The following IL1RAPL1 variants were observed in gnomAD, a reference collection of about 807,000 sequenced individuals.
The protein encoded by IL1RAPL1 is interleukin 1 receptor accessory protein like 1.
In IL1RAPL1, 3 loss-of-function variants were observed where a neutral mutation model predicts 48.4. The observed-to-expected ratio is 0.06, with a 90% CI of 0.03 to 0.16. IL1RAPL1 has a LOEUF of 0.16. Ranked by LOEUF, IL1RAPL1 falls within the 10% of genes least tolerant of loss-of-function variation. The pLI is 1.00. For missense variants in IL1RAPL1, 349 were observed against 530.6 expected, an observed-to-expected ratio of 0.66 and a Z score of 3.36; for synonymous variants, 185 against 187.7, an observed-to-expected ratio of 0.99 and a Z score of 0.12.
chrX:29,191,375 G>A (rs1930349343), intron 2 of IL1RAPL1, among the ~76,000 whole-genome samples: 1 of 111,083 alleles, frequency 9.0e-6, no homozygotes, highest in Admixed American at 9.6e-5. Flanking sequence ...ATAACCCTCG[G>A]AGTCACTTTC....
At chrX:28,875,539 A>G (rs1293380556) in intron 2 of IL1RAPL1, among the ~76,000 whole-genome samples, 1 of 111,376 alleles carries the variant, frequency 9.0e-6, no homozygotes, top group Non-Finnish European at 1.9e-5. Context: ...TATGGTTTGG[A>G]TATTTGTCTG....
At chrX:28,981,395 A>G (rs1925338331) in intron 2 of IL1RAPL1, among the ~76,000 whole-genome samples, 2 of 110,995 alleles carry the variant, frequency 1.8e-5, no homozygotes, top group African/African-American at 6.5e-5. Flanking sequence ...AAGGAAATTG[A>G]AACAGTCCTC....
At chrX:29,648,411 T>C (rs939629019) in intron 5 of IL1RAPL1, among the ~76,000 whole-genome samples, 10 of 111,826 alleles carry the variant, frequency 8.9e-5, no homozygotes, top group African/African-American at 1.6e-4. Context: ...GTTATCCAGC[T>C]TTAGAAGACT....
At chrX:29,323,212 T>C (rs1171197934) in intron 3 of IL1RAPL1, among the ~76,000 whole-genome samples, 1 of 111,689 alleles carries the variant, frequency 9.0e-6, no homozygotes, top group Non-Finnish European at 1.9e-5. Context: ...ATTTTTCTTC[T>C]TTTCTGAGCC....
At chrX:28,766,069 C>T (rs974936013) in intron 1 of IL1RAPL1, among the ~76,000 whole-genome samples, 14 of 111,347 alleles carry the variant, frequency 1.3e-4, no homozygotes, top group African/African-American at 3.6e-4. Context: ...ATTTCAATGA[C>T]GTATAATCCT....
At chrX:29,029,888 A>G (rs945427445) in intron 2 of IL1RAPL1, among the ~76,000 whole-genome samples, 5 of 108,130 alleles carry the variant, frequency 4.6e-5, no homozygotes, top group Admixed American at 4.0e-4. Context: ...ATATCAATCT[A>G]TGACCCATTT....
intron 5 of IL1RAPL1, among the ~76,000 whole-genome samples, chrX:29,441,301 C>T (rs1227012224): frequency 8.9e-6 from 1 of 111,870 alleles, no homozygotes; most frequent in Non-Finnish European, 1.9e-5. Context: ...TTAATTCTGG[C>T]ACTTAAGTCA....
At chrX:29,179,449 G>A (rs1016292591) in intron 2 of IL1RAPL1, among the ~76,000 whole-genome samples, 60 of 111,940 alleles carry the variant, frequency 5.4e-4, no homozygotes, top group African/African-American at 1.8e-3. Flanking sequence ...GATAGCTAGT[G>A]TGGTAGTTAG....
intron 1 of IL1RAPL1, among the ~76,000 whole-genome samples, chrX:28,604,719 C>CAAA (rs778056286): frequency 3.6e-5 from 1 of 27,961 alleles, no homozygotes; most frequent in Non-Finnish European, 7.2e-5. Flanking sequence ...GAGCGAGACT[C>CAAA]AAAAAAAAAA....
At chrX:29,492,576 G>A (rs1185522000) in intron 5 of IL1RAPL1, among the ~76,000 whole-genome samples, 2 of 111,609 alleles carry the variant, frequency 1.8e-5, no homozygotes, top group Non-Finnish European at 3.8e-5. Flanking sequence ...TCCTTCTTAC[G>A]TGGCATCACT....
At chrX:29,396,170 T>C (rs1426518888) in intron 3 of IL1RAPL1, 88 bp from the exon 4 acceptor site, 1 of 797,902 alleles carries the variant, frequency 1.3e-6, no homozygotes, top group South Asian at 2.3e-5. Context: ...AGTTTTTGCT[T>C]TTCTTTTAAG....
intron 2 of IL1RAPL1, among the ~76,000 whole-genome samples, chrX:29,166,538 C>T (rs1448343149): frequency 9.0e-6 from 1 of 111,376 alleles, no homozygotes; most frequent in Non-Finnish European, 1.9e-5. Context: ...TTCACTCTTG[C>T]CTGGTTTGTT....
intron 6 of IL1RAPL1, among the ~76,000 whole-genome samples, chrX:29,846,067 AG>A (rs1931240289): frequency 1.8e-5 from 2 of 111,351 alleles, no homozygotes; most frequent in African/African-American, 6.5e-5. Flanking sequence ...AGATTTGGGC[AG>A]GGACGCACAT....
chrX:29,744,400 C>G (rs896047106), intron 6 of IL1RAPL1, among the ~76,000 whole-genome samples: 1 of 112,244 alleles, frequency 8.9e-6, no homozygotes, highest in Non-Finnish European at 1.9e-5. Context: ...TGCCATTACT[C>G]TCTCTGCATA....
chrX:29,356,558 G>A (rs184264210), intron 3 of IL1RAPL1, among the ~76,000 whole-genome samples: 1 of 110,097 alleles, frequency 9.1e-6, no homozygotes, highest in East Asian at 2.8e-4. Flanking sequence ...GCGTATGTAT[G>A]TGTGACACAT....
chrX:29,407,753 T>A (rs891092053), intron 5 of IL1RAPL1, among the ~76,000 whole-genome samples: 6 of 111,861 alleles, frequency 5.4e-5, no homozygotes, highest in African/African-American at 1.6e-4. Context: ...CCTAACCGAA[T>A]TGACTGTAGG....
chrX:28,629,661 G>T (rs1369411158), intron 1 of IL1RAPL1, among the ~76,000 whole-genome samples: 1 of 111,793 alleles, frequency 8.9e-6, no homozygotes, highest in Non-Finnish European at 1.9e-5. Flanking sequence ...CTGAAATTGG[G>T]ACTATCTAAT....
At chrX:29,769,268 T>C (rs1928989399) in intron 6 of IL1RAPL1, among the ~76,000 whole-genome samples, 1 of 109,967 alleles carries the variant, frequency 9.1e-6, no homozygotes, top group Non-Finnish European at 1.9e-5. Flanking sequence ...CATTTACCAA[T>C]TGATAAACAT....
At chrX:28,663,719 C>T (rs197021) in intron 1 of IL1RAPL1, among the ~76,000 whole-genome samples, 43,694 of 106,852 alleles carry the variant, frequency 0.41, 6,474 homozygotes, top group South Asian at 0.58. Flanking sequence ...CTTTACATAG[C>T]GATCTATTGG....
Sources: allele counts gnomAD v4.1 joint callset (sites outside exome capture counted in the v4.1 genomes callset), GRCh38; gene constraint gnomAD v4.1.1; transcripts MANE v1.5; gene names NCBI Gene and HGNC (gene_info 2026-07-23, HGNC 2026-07-21).